AGMO: variants seen among roughly 807,000 people sequenced by gnomAD.
The protein encoded by AGMO is alkylglycerol monooxygenase.
AGMO carries 75 observed loss-of-function variants against 60.2 expected under a neutral mutation model. That is an observed-to-expected ratio of 1.25 (90% CI 1.03 to 1.51). The LOEUF is 1.51. Among genes scored for constraint, AGMO ranks in the 40% most tolerant of loss-of-function variants. The pLI is 0.00. For synonymous variants in AGMO, 261 were observed against 177.1 expected, an observed-to-expected ratio of 1.47 and a Z score of -3.76; for missense variants, 763 against 525.5, an observed-to-expected ratio of 1.45 and a Z score of -4.42.
chr7:15,301,683 G>A (rs558552696), intron 12 of AGMO, among the ~76,000 whole-genome samples: 4 of 152,032 alleles, frequency 2.6e-5, no homozygotes, highest in Non-Finnish European at 5.9e-5. Flanking sequence ...TAATAGAAAT[G>A]TTTTAATTTT....
At chr7:15,284,061 C>T (rs937595115) in intron 12 of AGMO, among the ~76,000 whole-genome samples, 4 of 151,712 alleles carry the variant, frequency 2.6e-5, no homozygotes, top group Admixed American at 2.0e-4. Flanking sequence ...TTATCAAAAC[C>T]TCTGGGATAC....
the AGMO span, among the ~76,000 whole-genome samples, chr7:15,147,483 G>A: frequency 6.6e-6 from 1 of 152,056 alleles, no homozygotes; most frequent in African/African-American, 2.4e-5. Context: ...ACTATCCCAA[G>A]AAGAGCATAA....
chr7:15,311,788 T>C (rs1341305245), intron 12 of AGMO, among the ~76,000 whole-genome samples: 1 of 152,190 alleles, frequency 6.6e-6, no homozygotes, highest in African/African-American at 2.4e-5. Flanking sequence ...TCTGTTGAAA[T>C]TATCAGACAT....
chr7:15,252,306 T>C (rs1160185722), intron 12 of AGMO, among the ~76,000 whole-genome samples: 1 of 152,194 alleles, frequency 6.6e-6, no homozygotes, highest in East Asian at 1.9e-4. Flanking sequence ...TAAGATCGGC[T>C]CCATGAGCCC....
chr7:15,558,139 T>A (rs1785200214), intron 2 of AGMO, among the ~76,000 whole-genome samples: 1 of 150,820 alleles, frequency 6.6e-6, no homozygotes, highest in South Asian at 2.1e-4. Context: ...AGCAAAAATA[T>A]TGTATTGAGG....
At chr7:15,215,099 C>A (rs998728940) in intron 12 of AGMO, among the ~76,000 whole-genome samples, 1 of 151,966 alleles carries the variant, frequency 6.6e-6, no homozygotes, top group African/African-American at 2.4e-5. Context: ...AATTTTAAAT[C>A]GAATACTAGC....
intron 3 of AGMO, among the ~76,000 whole-genome samples, chr7:15,479,651 C>A (rs549950573): frequency 7.3e-4 from 111 of 152,164 alleles, no homozygotes; most frequent in African/African-American, 2.5e-3. Flanking sequence ...TAGTAAAAGT[C>A]TCTTAAATAA....
chr7:15,336,891 TC>T (rs141851275), intron 12 of AGMO, among the ~76,000 whole-genome samples: 1,561 of 152,328 alleles, frequency 0.01, 21 homozygotes, highest in African/African-American at 0.036. Flanking sequence ...AGAGTAATTT[TC>T]TCAAACCACA....
chr7:15,145,413 ACTGT>A, the AGMO span, among the ~76,000 whole-genome samples: 4 of 152,206 alleles, frequency 2.6e-5, no homozygotes, highest in East Asian at 5.8e-4. Context: ...AAATGAAAAT[ACTGT>A]CTTATAGTAT....
At chr7:15,371,589 G>C (rs996229702) in intron 10 of AGMO, among the ~76,000 whole-genome samples, 2 of 152,044 alleles carry the variant, frequency 1.3e-5, no homozygotes, top group African/African-American at 4.8e-5. Context: ...TAGAGATGGG[G>C]TTTCACCATG....
At chr7:15,355,538 TG>T (rs1782497124) in intron 12 of AGMO, among the ~76,000 whole-genome samples, 1 of 148,526 alleles carries the variant, frequency 6.7e-6, no homozygotes, top group Admixed American at 6.7e-5. Flanking sequence ...GGTAAGATCA[TG>T]GAATTAATTC....
chr7:15,198,595 T>C (rs1781196259), downstream of AGMO, among the ~76,000 whole-genome samples: 1 of 152,172 alleles, frequency 6.6e-6, no homozygotes, highest in African/African-American at 2.4e-5. Flanking sequence ...GGAGTTTTAT[T>C]ATTACTCAAA....
intron 3 of AGMO, among the ~76,000 whole-genome samples, chr7:15,540,124 C>A (rs1421118276): frequency 6.6e-6 from 1 of 152,146 alleles, no homozygotes; most frequent in Non-Finnish European, 1.5e-5. Flanking sequence ...CAGCTACTGC[C>A]TATAGAACTG....
chr7:15,455,116 CACTT>C (rs1781967553), intron 3 of AGMO, among the ~76,000 whole-genome samples: 1 of 149,050 alleles, frequency 6.7e-6, no homozygotes, highest in Non-Finnish European at 1.5e-5. Flanking sequence ...CACACACACA[CACTT>C]TTTTCATGTC....
intron 12 of AGMO, among the ~76,000 whole-genome samples, chr7:15,258,614 C>A (rs901849855): frequency 6.6e-6 from 1 of 151,902 alleles, no homozygotes; most frequent in Non-Finnish European, 1.5e-5. Flanking sequence ...GAAGGCCAAG[C>A]AACATAAAAC....
chr7:15,259,565 G>A (rs901569370), intron 12 of AGMO, among the ~76,000 whole-genome samples: 1 of 152,066 alleles, frequency 6.6e-6, no homozygotes, highest in African/African-American at 2.4e-5. Context: ...GAACACCTGG[G>A]AAACTCATTG....
At chr7:15,558,922 TAA>T (rs1318430056) in intron 2 of AGMO, among the ~76,000 whole-genome samples, 1 of 152,010 alleles carries the variant, frequency 6.6e-6, no homozygotes, top group Non-Finnish European at 1.5e-5. Context: ...GTAAAGCTCT[TAA>T]AACAGGACAA....
At chr7:15,542,614 T>C (rs1380917181) in intron 3 of AGMO, among the ~76,000 whole-genome samples, 1 of 152,186 alleles carries the variant, frequency 6.6e-6, no homozygotes, top group African/African-American at 2.4e-5. Flanking sequence ...TAGTACAATA[T>C]AAATGCCTTC....
At chr7:15,226,654 C>G (rs1034147618) in intron 12 of AGMO, among the ~76,000 whole-genome samples, 1 of 152,002 alleles carries the variant, frequency 6.6e-6, no homozygotes, top group African/African-American at 2.4e-5. Context: ...ATTATTAACC[C>G]TGAAGAAAAC....
Sources: gnomAD v4.1 joint callset for allele counts (sites outside exome capture counted in the v4.1 genomes callset) on GRCh38, gnomAD v4.1.1 for gene constraint, MANE v1.5 for transcripts, NCBI Gene and HGNC (gene_info 2026-07-23, HGNC 2026-07-21) for gene names.